ELAVL2: variants seen among roughly 807,000 people sequenced by gnomAD.
ELAVL2 encodes ELAV-like protein 2.
ELAVL2 carries 4 observed loss-of-function variants against 34.6 expected under a neutral mutation model. That is an observed-to-expected ratio of 0.12 (90% confidence interval 0.06 to 0.26). The LOEUF (loss-of-function observed/expected upper bound fraction) is 0.26. Among genes scored for constraint, ELAVL2 ranks in the 10% least tolerant of loss-of-function variants. The pLI is 1.00. For missense variants in ELAVL2, 432 were observed against 442.8 expected, an observed-to-expected ratio of 0.98 and a Z score of 0.22; for synonymous variants, 193 against 154.8, an observed-to-expected ratio of 1.25 and a Z score of -1.83.
chr9:23,742,952 G>A (rs1264454323), intron 2 of ELAVL2, among the ~76,000 whole-genome samples: 1 of 152,034 alleles, frequency 6.6e-6, no homozygotes, highest in Non-Finnish European at 1.5e-5. Flanking sequence ...TGGGCTGGTG[G>A]GGGTATAAAT....
chr9:23,715,018 T>C (rs2041939826), intron 3 of ELAVL2, among the ~76,000 whole-genome samples: 1 of 152,192 alleles, frequency 6.6e-6, no homozygotes, highest in Admixed American at 6.5e-5. Flanking sequence ...AGTATTACCA[T>C]TCAAAGCTTT....
intron 1 of ELAVL2, among the ~76,000 whole-genome samples, chr9:23,774,769 G>T (rs964172620): frequency 2.7e-5 from 4 of 150,270 alleles, no homozygotes; most frequent in African/African-American, 9.8e-5. Flanking sequence ...TTCTGGCTAA[G>T]AACTCCAAAG....
chr9:23,749,867 G>A (rs16923651), intron 2 of ELAVL2, among the ~76,000 whole-genome samples: 1 of 151,764 alleles, frequency 6.6e-6, no homozygotes, highest in Non-Finnish European at 1.5e-5. Context: ...ATAATCTATA[G>A]AGCAACTAAC....
chr9:23,759,354 C>T (rs976983011), intron 2 of ELAVL2, among the ~76,000 whole-genome samples: 2 of 151,774 alleles, frequency 1.3e-5, no homozygotes, highest in Non-Finnish European at 2.9e-5. Context: ...TCGAAAAATG[C>T]TGATCTCATT....
intron 5 of ELAVL2, among the ~76,000 whole-genome samples, chr9:23,698,021 T>C (rs2035866465): frequency 6.6e-6 from 1 of 152,164 alleles, no homozygotes; most frequent in South Asian, 2.1e-4. Flanking sequence ...GATACCGGTT[T>C]CTTCCAAAAG....
chr9:23,837,265 G>A, the ELAVL2 span, among the ~76,000 whole-genome samples: 2 of 152,154 alleles, frequency 1.3e-5, no homozygotes, highest in Non-Finnish European at 2.9e-5. Flanking sequence ...AGATACCTTT[G>A]TGCCTAAGGG....
intron 1 of ELAVL2, among the ~76,000 whole-genome samples, chr9:23,767,366 A>G (rs1305251355): frequency 6.6e-6 from 1 of 152,224 alleles, no homozygotes; most frequent in East Asian, 1.9e-4. Flanking sequence ...GTCACATGAG[A>G]GAAAAGCAGT....
intron 1 of ELAVL2, among the ~76,000 whole-genome samples, chr9:23,808,301 A>G (rs574896670): frequency 7.9e-5 from 12 of 152,270 alleles, no homozygotes; most frequent in African/African-American, 2.4e-4. Flanking sequence ...CTTTAACATA[A>G]TATCTCCTCC....
chr9:23,821,702 TGGC>T (rs879275152), intron 1 of ELAVL2: 64 of 151,830 alleles, frequency 4.2e-4, no homozygotes, highest in Middle Eastern at 3.5e-3. Flanking sequence ...GGAGAGGCGG[TGGC>T]GGCGGCGGCG....
chr9:23,817,226 C>T (rs954158916), intron 1 of ELAVL2, among the ~76,000 whole-genome samples: 1 of 151,226 alleles, frequency 6.6e-6, no homozygotes, highest in Non-Finnish European at 1.5e-5. Context: ...TAAATATATA[C>T]TAAGAAACTG....
intron 1 of ELAVL2, among the ~76,000 whole-genome samples, chr9:23,806,449 A>G (rs1175730571): frequency 2.0e-5 from 3 of 152,124 alleles, no homozygotes; most frequent in Non-Finnish European, 4.4e-5. Flanking sequence ...AAGCCTGGGT[A>G]AGATGGTGAG....
chr9:23,780,817 G>C (rs1758494314), intron 1 of ELAVL2, among the ~76,000 whole-genome samples: 1 of 152,136 alleles, frequency 6.6e-6, no homozygotes, highest in Non-Finnish European at 1.5e-5. Context: ...GGCCAAAAAA[G>C]GGCAAGTCAC....
intron 1 of ELAVL2, among the ~76,000 whole-genome samples, chr9:23,782,007 G>A (rs73470854): frequency 1.4e-3 from 219 of 152,158 alleles, no homozygotes; most frequent in Non-Finnish European, 2.5e-3. Context: ...CTTTTGTGGA[G>A]ACGAGGTTTT....
chr9:23,722,121 A>G (rs747592292), intron 3 of ELAVL2, among the ~76,000 whole-genome samples: 23 of 152,246 alleles, frequency 1.5e-4, no homozygotes, highest in Non-Finnish European at 2.6e-4. Context: ...AACACACACT[A>G]AAAGTAATGA....
At chr9:23,742,303 A>G (rs1229857032) in intron 2 of ELAVL2, among the ~76,000 whole-genome samples, 2 of 152,206 alleles carry the variant, frequency 1.3e-5, no homozygotes, top group Non-Finnish European at 2.9e-5. Flanking sequence ...AGCTGCTATT[A>G]TGAGTGGACA....
intron 3 of ELAVL2, among the ~76,000 whole-genome samples, chr9:23,725,476 G>C (rs1311100668): frequency 1.3e-5 from 2 of 152,110 alleles, no homozygotes; most frequent in African/African-American, 4.8e-5. Flanking sequence ...GGACCTACTG[G>C]GTGGCAAGCC....
At chr9:23,706,963 G>A (rs1044757434) in intron 3 of ELAVL2, among the ~76,000 whole-genome samples, 4 of 152,034 alleles carry the variant, frequency 2.6e-5, no homozygotes, top group Non-Finnish European at 2.9e-5. Flanking sequence ...TATTCAAACC[G>A]TTTGCTCATT....
intron 1 of ELAVL2, among the ~76,000 whole-genome samples, chr9:23,811,643 T>A (rs2063018212): frequency 6.6e-6 from 1 of 152,230 alleles, no homozygotes; most frequent in Non-Finnish European, 1.5e-5. Context: ...AAAATAAATG[T>A]TATACCCAGA....
intron 1 of ELAVL2, among the ~76,000 whole-genome samples, chr9:23,787,335 C>T (rs968295663): frequency 2.6e-5 from 4 of 151,378 alleles, no homozygotes; most frequent in African/African-American, 7.3e-5. Context: ...TCTTAGCTCA[C>T]TGCAAACTGC....
Sources: gnomAD v4.1 joint callset for allele counts (sites outside exome capture counted in the v4.1 genomes callset) on GRCh38, gnomAD v4.1.1 for gene constraint, MANE v1.5 for transcripts, NCBI Gene and HGNC (gene_info 2026-07-23, HGNC 2026-07-21) for gene names.